Variants in LRRC4C observed in about 807,000 individuals in gnomAD.
The protein encoded by LRRC4C is leucine-rich repeat-containing protein 4C.
LRRC4C carries 5 observed loss-of-function variants against 33.6 expected under a neutral mutation model. That is an observed-to-expected ratio of 0.15 (90% CI 0.08 to 0.31). LRRC4C has a LOEUF of 0.31. Among genes scored for constraint, LRRC4C ranks in the 10% least tolerant of loss-of-function variants. The pLI is 1.00. For missense variants in LRRC4C, 560 were observed against 796.7 expected (o/e 0.70, Z 3.58); for synonymous variants, 329 against 302.0 (o/e 1.09, Z -0.93).
At chr11:40,252,467 C>T (rs141073234) in intron 4 of LRRC4C, among the ~76,000 whole-genome samples, 42 of 152,222 alleles carry the variant, frequency 2.8e-4, no homozygotes, top group African/African-American at 9.9e-4. Flanking sequence ...TCTGAGTCAG[C>T]ACACCAAGAC....
At chr11:40,153,016 T>C (rs1858355438) in intron 5 of LRRC4C, among the ~76,000 whole-genome samples, 1 of 152,074 alleles carries the variant, frequency 6.6e-6, no homozygotes, top group South Asian at 2.1e-4. Flanking sequence ...CCACCAAAGC[T>C]AAGGACCCTC....
chr11:41,388,922 C>T (rs1440510893), intron 1 of LRRC4C, among the ~76,000 whole-genome samples: 1 of 151,704 alleles, frequency 6.6e-6, no homozygotes, highest in Non-Finnish European at 1.5e-5. Flanking sequence ...GATGTTTAGA[C>T]AGGTTTGGAA....
intron 3 of LRRC4C, among the ~76,000 whole-genome samples, chr11:40,423,489 C>T (rs1046207001): frequency 3.9e-5 from 6 of 151,914 alleles, no homozygotes; most frequent in Non-Finnish European, 8.8e-5. Flanking sequence ...GGACTACAGG[C>T]GCCCGCTACC....
intron 1 of LRRC4C, among the ~76,000 whole-genome samples, chr11:41,310,764 T>C (rs989064679): frequency 2.0e-5 from 3 of 152,162 alleles, no homozygotes; most frequent in African/African-American, 7.2e-5. Flanking sequence ...AAAACCAACA[T>C]TGTGTTTATG....
At chr11:40,217,631 T>A (rs1401650156) in intron 5 of LRRC4C, among the ~76,000 whole-genome samples, 1 of 152,152 alleles carries the variant, frequency 6.6e-6, no homozygotes, top group African/African-American at 2.4e-5. Flanking sequence ...AAAACAATAA[T>A]GTTAACAGTC....
intron 1 of LRRC4C, among the ~76,000 whole-genome samples, chr11:41,434,300 C>A (rs1435884499): frequency 6.6e-6 from 1 of 152,064 alleles, no homozygotes; most frequent in Admixed American, 6.6e-5. Flanking sequence ...AAAAAGACAT[C>A]TGGGAATCTC....
Position 40,114,989 on chromosome 11 carries a change from G to A in LRRC4C, c.1304C>T (p.Thr435Ile), listed in dbSNP as rs767010660. The change falls in exon 7 of 7, where the codon ACT becomes ATT. Residue 435 changes from threonine to isoleucine, a missense_variant. This residue lies in a region of LRRC4C where 455 missense variants were observed against 643.8 expected (regional missense o/e 0.71). Coordinates refer to ENST00000528697, the MANE Select transcript of LRRC4C (RefSeq NM_001258419.2). ...TCMVSNSVGN[T>I]TASATLNVTA... ...AACATTCAGGGTGGCTGAAGCAGTAGTATTCCCAACGGAATTACTCACCAT... is the reference window on the plus strand; with the variant it reads ...AACATTCAGGGTGGCTGAAGCAGTAATATTCCCAACGGAATTACTCACCAT... The A allele has an allele frequency of 2.5e-6, 4 of 1,614,222 alleles. No individual in the cohort carries two copies. Among genetic ancestry groups the A allele is most frequent in the South Asian group, 1.1e-5 (1 of 91,088 alleles).
chr11:40,974,637 T>C, intron 1 of LRRC4C, among the ~76,000 whole-genome samples: 1 of 152,158 alleles, frequency 6.6e-6, no homozygotes, highest in East Asian at 1.9e-4. Flanking sequence ...CAGAAATACG[T>C]AGGGAATTGG....
intron 3 of LRRC4C, among the ~76,000 whole-genome samples, chr11:40,643,107 GT>G (rs912244407): frequency 1.3e-4 from 20 of 152,130 alleles, no homozygotes; most frequent in Non-Finnish European, 2.6e-4. Flanking sequence ...CTGGGTTTTT[GT>G]TTTGGCTCCA....
At chr11:40,695,363 A>C (rs1945444416) in intron 2 of LRRC4C, among the ~76,000 whole-genome samples, 1 of 152,154 alleles carries the variant, frequency 6.6e-6, no homozygotes, top group Admixed American at 6.6e-5. Context: ...TTGCCAGAAC[A>C]TCAGTTTCAG....
At chr11:41,060,964 C>A (rs1937716704) in intron 1 of LRRC4C, among the ~76,000 whole-genome samples, 1 of 152,038 alleles carries the variant, frequency 6.6e-6, no homozygotes, top group African/African-American at 2.4e-5. Flanking sequence ...AGTATCTTTT[C>A]CCTGGATGTT....
intron 2 of LRRC4C, among the ~76,000 whole-genome samples, chr11:40,917,216 G>GT (rs1483675930): frequency 6.6e-6 from 1 of 152,108 alleles, no homozygotes; most frequent in Non-Finnish European, 1.5e-5. Context: ...AATCCAGTCA[G>GT]TTTTTTCCTT....
At chr11:40,899,449 T>C (rs1252464420) in intron 2 of LRRC4C, among the ~76,000 whole-genome samples, 1 of 152,200 alleles carries the variant, frequency 6.6e-6, no homozygotes, top group African/African-American at 2.4e-5. Flanking sequence ...TGCTGGACTA[T>C]TTCTTGAGAA....
intron 1 of LRRC4C, among the ~76,000 whole-genome samples, chr11:41,236,921 T>C (rs1393419556): frequency 6.6e-6 from 1 of 152,212 alleles, no homozygotes; most frequent in Non-Finnish European, 1.5e-5. Flanking sequence ...AATATTAGCA[T>C]TGTTGTAAAG....
intron 2 of LRRC4C, among the ~76,000 whole-genome samples, chr11:40,879,723 T>C (rs1458621840): frequency 6.6e-6 from 1 of 152,180 alleles, no homozygotes; most frequent in Non-Finnish European, 1.5e-5. Context: ...ACTTGTGCTT[T>C]ACTTTGGATT....
At chr11:41,073,955 T>G (rs1000406207) in intron 1 of LRRC4C, among the ~76,000 whole-genome samples, 1 of 152,168 alleles carries the variant, frequency 6.6e-6, no homozygotes, top group Non-Finnish European at 1.5e-5. Context: ...CTTGCATTGT[T>G]TTAGTAACTA....
At chr11:40,773,725 T>C (rs1220275827) in intron 2 of LRRC4C, among the ~76,000 whole-genome samples, 1 of 152,096 alleles carries the variant, frequency 6.6e-6, no homozygotes, top group Non-Finnish European at 1.5e-5. Flanking sequence ...ACTTTTTTAA[T>C]TCAGTTACTT....
intron 3 of LRRC4C, among the ~76,000 whole-genome samples, chr11:40,391,015 G>A (rs956896334): frequency 4.6e-5 from 7 of 152,016 alleles, no homozygotes; most frequent in African/African-American, 1.7e-4. Context: ...CGGAGTAGCT[G>A]GGATTACATG....
At chr11:40,588,688 G>C (rs1400615582) in intron 3 of LRRC4C, among the ~76,000 whole-genome samples, 2 of 151,872 alleles carry the variant, frequency 1.3e-5, no homozygotes, top group African/African-American at 4.8e-5. Context: ...CTTTGTTCTC[G>C]TTGGTTTCAA....
Sources: allele counts gnomAD v4.1 joint callset (sites outside exome capture counted in the v4.1 genomes callset), GRCh38; gene constraint gnomAD v4.1.1; regional missense constraint gnomAD v4.1.1; transcripts MANE v1.5; gene names NCBI Gene and HGNC (gene_info 2026-07-23, HGNC 2026-07-21).